The following CELF4 variants were observed in gnomAD, a reference collection of about 807,000 sequenced individuals.
CELF4 encodes CUGBP Elav-like family member 4, also known as CUG-BP- and ETR-3-like factor 4.
A neutral mutation model predicts 59.9 loss-of-function variants in CELF4; 18 were observed. That is an observed-to-expected ratio of 0.30 (90% CI 0.21 to 0.45). The LOEUF is 0.45. CELF4 is among the 20% of genes least tolerant of loss of function. The pLI, the probability that CELF4 is intolerant of heterozygous loss-of-function variation, is 1.00. For missense variants in CELF4, 456 were observed against 689.0 expected (o/e 0.66, Z 3.79); for synonymous variants, 261 against 267.1 (o/e 0.98, Z 0.22).
At chr18:37,348,222 A>AC (rs1187477849) in intron 2 of CELF4, among the ~76,000 whole-genome samples, 1 of 145,734 alleles carries the variant, frequency 6.9e-6, no homozygotes, top group Non-Finnish European at 1.5e-5. Context: ...CTTAGCCACA[A>AC]TTTCCCCACC....
chr18:37,548,258 A>G (rs148070394), intron 1 of CELF4, among the ~76,000 whole-genome samples: 19 of 152,264 alleles, frequency 1.2e-4, no homozygotes, highest in African/African-American at 3.6e-4. Flanking sequence ...AATGAGGGAG[A>G]TGTAAGAGAT....
intron 1 of CELF4, among the ~76,000 whole-genome samples, chr18:37,498,346 C>T (rs552123303): frequency 3.5e-5 from 5 of 141,418 alleles, no homozygotes; most frequent in Non-Finnish European, 7.7e-5. Flanking sequence ...CTTCCCTTCC[C>T]TTCCCTCCCC....
At chr18:37,350,429 T>C (rs1222261748) in intron 2 of CELF4, among the ~76,000 whole-genome samples, 1 of 152,220 alleles carries the variant, frequency 6.6e-6, no homozygotes, top group Admixed American at 6.5e-5. Flanking sequence ...TCTGCTGGCC[T>C]GTGAATGGCT....
intron 2 of CELF4, among the ~76,000 whole-genome samples, chr18:37,447,046 T>C (rs772035008): frequency 6.6e-6 from 1 of 151,490 alleles, no homozygotes; most frequent in East Asian, 1.9e-4. Context: ...GTTGCAGAAA[T>C]GAGGAGATGC....
chr18:37,417,054 G>A (rs1212262988), intron 2 of CELF4, among the ~76,000 whole-genome samples: 1 of 152,048 alleles, frequency 6.6e-6, no homozygotes, highest in Non-Finnish European at 1.5e-5. Context: ...ATTAAAGAGA[G>A]GAAGGAAGAA....
At chr18:37,352,486 T>C (rs1201115395) in intron 2 of CELF4, among the ~76,000 whole-genome samples, 2 of 151,228 alleles carry the variant, frequency 1.3e-5, no homozygotes, top group Non-Finnish European at 2.9e-5. Flanking sequence ...CTATAAAAAA[T>C]AATTAGCCAG....
At chr18:37,455,521 G>A (rs1021384693) in intron 2 of CELF4, among the ~76,000 whole-genome samples, 7 of 152,186 alleles carry the variant, frequency 4.6e-5, no homozygotes, top group African/African-American at 1.7e-4. Flanking sequence ...CCAATGAGAA[G>A]CCCCTCTCTT....
chr18:37,328,351 G>A (rs1438005032), intron 2 of CELF4, among the ~76,000 whole-genome samples: 2 of 152,206 alleles, frequency 1.3e-5, no homozygotes, highest in Non-Finnish European at 2.9e-5. Flanking sequence ...GGGAGAGGGA[G>A]GATAGGCGCT....
intron 1 of CELF4, among the ~76,000 whole-genome samples, chr18:37,507,623 A>G (rs931395266): frequency 7.2e-5 from 11 of 152,302 alleles, no homozygotes; most frequent in Admixed American, 7.2e-4. Flanking sequence ...CTCAGTGTTC[A>G]AGGCATCACT....
At chr18:37,413,572 T>C (rs886123574) in intron 2 of CELF4, among the ~76,000 whole-genome samples, 6 of 152,306 alleles carry the variant, frequency 3.9e-5, no homozygotes, top group African/African-American at 1.4e-4. Context: ...TGTTCTACAG[T>C]TCCTCTTTAG....
intron 1 of CELF4, among the ~76,000 whole-genome samples, chr18:37,517,458 T>A (rs2099951993): frequency 6.6e-6 from 1 of 152,124 alleles, no homozygotes; most frequent in Non-Finnish European, 1.5e-5. Flanking sequence ...GAGCTCAGTC[T>A]GCTTCCCTAC....
intron 1 of CELF4, among the ~76,000 whole-genome samples, chr18:37,537,190 T>G (rs2099974197): frequency 6.6e-6 from 1 of 152,108 alleles, no homozygotes; most frequent in African/African-American, 2.4e-5. Flanking sequence ...ATCACCACCT[T>G]GATCATGACT....
intron 1 of CELF4, among the ~76,000 whole-genome samples, chr18:37,524,828 C>T (rs2099961833): frequency 2.0e-5 from 3 of 152,122 alleles, no homozygotes. Context: ...GCCGCGGCTC[C>T]CGGCAGCGAC....
intron 1 of CELF4, among the ~76,000 whole-genome samples, chr18:37,525,578 T>C (rs997304174): frequency 1.3e-5 from 2 of 150,002 alleles, no homozygotes; most frequent in Non-Finnish European, 3.0e-5. Context: ...AATCTTCTGC[T>C]TTCTAGAGCT....
chr18:37,445,816 G>A (rs574945612), intron 2 of CELF4, among the ~76,000 whole-genome samples: 149 of 152,204 alleles, frequency 9.8e-4, no homozygotes, highest in South Asian at 3.5e-3. Context: ...AAATGGCCAC[G>A]GGAGGCCTGG....
At chr18:37,376,842 T>C (rs1051680056) in intron 2 of CELF4, among the ~76,000 whole-genome samples, 5 of 152,182 alleles carry the variant, frequency 3.3e-5, no homozygotes, top group Admixed American at 3.3e-4. Context: ...AATTCTGCAA[T>C]GTGCTCTGTT....
At chr18:37,431,537 A>G (rs1415683916) in intron 2 of CELF4, among the ~76,000 whole-genome samples, 1 of 151,380 alleles carries the variant, frequency 6.6e-6, no homozygotes, top group East Asian at 1.9e-4. Flanking sequence ...CCAGCTAATT[A>G]TTTTTATATT....
At chr18:37,426,663 T>G (rs1384099241) in intron 2 of CELF4, among the ~76,000 whole-genome samples, 2 of 151,780 alleles carry the variant, frequency 1.3e-5, no homozygotes, top group African/African-American at 2.4e-5. Flanking sequence ...CTGCAGAGGG[T>G]GCGGTGCGGG....
At chr18:37,492,381 A>G (rs1250130455) in intron 1 of CELF4, among the ~76,000 whole-genome samples, 3 of 152,194 alleles carry the variant, frequency 2.0e-5, no homozygotes, top group African/African-American at 7.2e-5. Flanking sequence ...CACCTGGAAG[A>G]TTTAAAAAAC....
Sources: gnomAD v4.1 joint callset for allele counts (sites outside exome capture counted in the v4.1 genomes callset) on GRCh38, gnomAD v4.1.1 for gene constraint, MANE v1.5 for transcripts, NCBI Gene and HGNC (gene_info 2026-07-23, HGNC 2026-07-21) for gene names.